The following ST3GAL3 variants were observed in gnomAD, a reference collection of about 807,000 sequenced individuals.
ST3GAL3 encodes CMP-N-acetylneuraminate-beta-1,4-galactoside alpha-2,3-sialyltransferase.
In ST3GAL3, 21 loss-of-function variants were observed where a neutral mutation model predicts 50.1. The observed-to-expected ratio is 0.42, with a 90% CI of 0.30 to 0.60. ST3GAL3 has a LOEUF of 0.60. Ranked by LOEUF, ST3GAL3 falls within the 20% of genes least tolerant of loss-of-function variation. The pLI is 0.19. For synonymous variants in ST3GAL3, 183 were observed against 190.0 expected (o/e 0.96, Z 0.30); for missense variants, 353 against 489.4 (o/e 0.72, Z 2.63).
At chr1:43,778,759 C>T (rs1294201194) in intron 2 of ST3GAL3, among the ~76,000 whole-genome samples, 1 of 147,236 alleles carries the variant, frequency 6.8e-6, no homozygotes, top group African/African-American at 2.6e-5. Flanking sequence ...CATTCTCCTG[C>T]CTCAGCCTCC....
intron 11 of ST3GAL3, among the ~76,000 whole-genome samples, chr1:43,922,806 A>AG (rs1438736206): frequency 7.8e-6 from 1 of 128,922 alleles, no homozygotes; most frequent in Non-Finnish European, 1.5e-5. Flanking sequence ...TCAAAAAAGA[A>AG]AAAAAAAAAA....
intron 3 of ST3GAL3, among the ~76,000 whole-genome samples, chr1:43,806,903 C>T (rs996174301): frequency 6.6e-6 from 1 of 152,158 alleles, no homozygotes; most frequent in Non-Finnish European, 1.5e-5. Context: ...GTTGCCCAGG[C>T]TGGTCTCACA....
chr1:43,901,217 C>T (rs150219590), intron 9 of ST3GAL3, among the ~76,000 whole-genome samples: 40 of 152,370 alleles, frequency 2.6e-4, no homozygotes, highest in Middle Eastern at 3.4e-3. Flanking sequence ...GGCCTTCTGC[C>T]ATCCTCCTTT....
chr1:43,872,520 A>G (rs914796483), intron 5 of ST3GAL3, among the ~76,000 whole-genome samples: 1 of 152,024 alleles, frequency 6.6e-6, no homozygotes, highest in Non-Finnish European at 1.5e-5. Context: ...GGAAACTGAC[A>G]GTCATTGAGC....
intron 2 of ST3GAL3, among the ~76,000 whole-genome samples, chr1:43,758,014 A>T (rs1002273366): frequency 1.3e-5 from 2 of 150,934 alleles, no homozygotes; most frequent in East Asian, 3.9e-4. Flanking sequence ...ATAAACAAAG[A>T]TATGTATAGA....
At chr1:43,894,133 T>C (rs1461721821) in intron 5 of ST3GAL3, 3 of 520,102 alleles carry the variant, frequency 5.8e-6, no homozygotes, top group African/African-American at 1.9e-5. Flanking sequence ...TGAACAAATC[T>C]TGTCTCTCCA....
At chr1:43,807,341 AG>A (rs1381667093) in intron 3 of ST3GAL3, among the ~76,000 whole-genome samples, 8 of 152,164 alleles carry the variant, frequency 5.3e-5, no homozygotes, top group African/African-American at 1.4e-4. Flanking sequence ...GCTTGAGCCC[AG>A]GGGGCAGAGG....
chr1:43,901,769 C>T (rs2078315714), intron 9 of ST3GAL3, among the ~76,000 whole-genome samples: 1 of 152,170 alleles, frequency 6.6e-6, no homozygotes, highest in African/African-American at 2.4e-5. Flanking sequence ...CTAGGACTAG[C>T]CTTGTATTGG....
intron 2 of ST3GAL3, among the ~76,000 whole-genome samples, chr1:43,752,346 A>G (rs957390416): frequency 2.0e-5 from 3 of 152,198 alleles, no homozygotes; most frequent in Non-Finnish European, 2.9e-5. Flanking sequence ...TGGGTTGATC[A>G]CTAACAGAGA....
At chr1:43,771,061 C>G (rs1486956531) in intron 2 of ST3GAL3, among the ~76,000 whole-genome samples, 3 of 152,224 alleles carry the variant, frequency 2.0e-5, no homozygotes, top group Admixed American at 6.5e-5. Flanking sequence ...GATCTTCACT[C>G]TTCCAGCTGT....
chr1:43,876,980 T>G (rs958439257), intron 5 of ST3GAL3, among the ~76,000 whole-genome samples: 1 of 152,198 alleles, frequency 6.6e-6, no homozygotes, highest in African/African-American at 2.4e-5. Flanking sequence ...GCAGAAATAG[T>G]AGGAATACCA....
rs142763869 is a variant in ST3GAL3 at position 43,760,751 on chromosome 1, G to A, written c.118+24371G>A. On this transcript the variant is annotated intron_variant, in intron 2 of 11. Transcript: ENST00000347631. The stretch of plus-strand genomic sequence containing the variant: ...AGCTTGGGTGACACAGCAAGGCTCC[G>A]TCTCAAAAAAAAAAAATGTTGATAG... Among the ~76,000 whole-genome samples, 254 of 150,358 alleles carry A rather than the reference G, an allele frequency of 1.7e-3. 1 individual carries two copies. The highest frequency in any genetic ancestry group is 5.6e-3 in the African/African-American group (230 of 40,938).
At chr1:43,817,607 TCTCCTCCTTCTCCTCCTCCCTTCTC>T (rs1239049038) in intron 4 of ST3GAL3, among the ~76,000 whole-genome samples, 1 of 109,510 alleles carries the variant, frequency 9.1e-6, no homozygotes, top group Admixed American at 9.5e-5. Context: ...CCCTTCTCCT[TCTCCTCCTTCTCCTCCTCCCTTCTC>T]CTCCTCCTTC....
chr1:43,746,532 G>A (rs146508019), intron 2 of ST3GAL3, among the ~76,000 whole-genome samples: 2,207 of 149,942 alleles, frequency 0.015, 62 homozygotes, highest in African/African-American at 0.052. Flanking sequence ...GTGCAATCTC[G>A]GCTCACTGCA....
chr1:43,797,665 C>A (rs775342038), intron 3 of ST3GAL3, among the ~76,000 whole-genome samples: 3 of 152,198 alleles, frequency 2.0e-5, no homozygotes, highest in Non-Finnish European at 4.4e-5. Context: ...TCTACAAAAA[C>A]CTACAGCAAA....
chr1:43,759,065 G>GCGCGCGCACACACA (rs60386464), intron 2 of ST3GAL3, among the ~76,000 whole-genome samples: 1 of 75,360 alleles, frequency 1.3e-5, no homozygotes, highest in African/African-American at 4.0e-5. Flanking sequence ...AAAAGCGCGC[G>GCGCGCGCACACACA]CACACACACA....
intron 9 of ST3GAL3, among the ~76,000 whole-genome samples, chr1:43,901,234 G>A (rs975276224): frequency 1.3e-5 from 2 of 152,208 alleles, no homozygotes; most frequent in Non-Finnish European, 1.5e-5. Flanking sequence ...CTTTCACATC[G>A]TTTCCTCTGC....
At chr1:43,879,206 G>C in intron 5 of ST3GAL3, 2 of 447,572 alleles carry the variant, frequency 4.5e-6, no homozygotes, top group South Asian at 1.6e-5. Flanking sequence ...TCAGAAAAAG[G>C]CTTGTATTTA....
At chr1:43,719,832 G>A (rs759054098) in intron 1 of ST3GAL3, among the ~76,000 whole-genome samples, 4 of 150,978 alleles carry the variant, frequency 2.6e-5, no homozygotes, top group Admixed American at 6.6e-5. Flanking sequence ...ACTCTGGAGG[G>A]TGAGGCAGGA....
Sources: allele counts gnomAD v4.1 joint callset (sites outside exome capture counted in the v4.1 genomes callset), GRCh38; gene constraint gnomAD v4.1.1; transcripts MANE v1.5; gene names NCBI Gene and HGNC (gene_info 2026-07-23, HGNC 2026-07-21).